Variants in VAV2 observed in about 807,000 individuals in gnomAD.
VAV2 encodes vav guanine nucleotide exchange factor 2, also known as guanine nucleotide exchange factor VAV2.
VAV2 carries 67 observed loss-of-function variants against 132.5 expected under a neutral mutation model. The observed-to-expected ratio is 0.51, with a 90% CI of 0.42 to 0.62. The LOEUF (loss-of-function observed/expected upper bound fraction) is 0.62, where lower values mean the gene tolerates loss of function less well. Ranked by LOEUF, VAV2 falls within the 20% of genes least tolerant of loss-of-function variation. The pLI is 0.00. For missense variants in VAV2, 938 were observed against 1,153.6 expected (o/e 0.81, Z 2.71); for synonymous variants, 492 against 443.5 (o/e 1.11, Z -1.37).
At chr9:133,903,227 G>A (rs767744056) in intron 2 of VAV2, among the ~76,000 whole-genome samples, 2 of 152,074 alleles carry the variant, frequency 1.3e-5, no homozygotes, top group Non-Finnish European at 2.9e-5. Context: ...CACCAGCCCC[G>A]CCGCCACCCT....
rs951338326 is a variant in VAV2, at chr9:133,885,226, G to A, written c.322-23794C>T. 8.5e-5 allele frequency among the ~76,000 whole-genome samples: 13 copies of A among 152,154 alleles called. No homozygotes were observed. The highest frequency in any genetic ancestry group is 7.2e-4 in the Admixed American group (11 of 15,282). The stretch of plus-strand genomic sequence containing the variant: ...CTTCTGAGCCCACTCAACCAAGGGC[G>A]GCCCAGGGAAGGGCATGTATGCAGC... On this transcript the variant is annotated intron_variant, in intron 2 of 29. Coordinates refer to ENST00000371850, the MANE Select transcript of VAV2 (RefSeq NM_001134398.2). This position sits in a 1 kb window ranked among gnomAD's most constrained non-coding sequence, Gnocchi z 5.0.
At chr9:133,966,360 G>A (rs1842139879) in intron 1 of VAV2, among the ~76,000 whole-genome samples, 1 of 152,204 alleles carries the variant, frequency 6.6e-6, no homozygotes, top group South Asian at 2.1e-4. Flanking sequence ...CAGGATAGGG[G>A]AACAAATCTG....
chr9:133,817,951 G>GTGTC (rs1225178987), intron 4 of VAV2, among the ~76,000 whole-genome samples: 1 of 152,186 alleles, frequency 6.6e-6, no homozygotes, highest in Non-Finnish European at 1.5e-5. Flanking sequence ...ATTTCTAGGT[G>GTGTC]TGTCTGTGAG....
intron 2 of VAV2, among the ~76,000 whole-genome samples, chr9:133,870,367 G>T (rs1392004409): frequency 6.6e-6 from 1 of 152,164 alleles, no homozygotes; most frequent in Non-Finnish European, 1.5e-5. Context: ...ACTCTGAAGG[G>T]GAATGCATGA....
Position 133,823,271 on chromosome 9 carries a change from G to A in VAV2, c.449+11001C>T, listed in dbSNP as rs1385489733. Among the ~76,000 whole-genome samples the A allele has an allele frequency of 5.9e-5, 9 of 152,194 alleles. No homozygotes were observed. Among genetic ancestry groups the A allele is most frequent in the Admixed American group, 5.9e-4 (9 of 15,286 alleles). ...AGAAGCAGGAAGACAAGGGAAAGTTGGTGGCAGAGACTGTCCTGCTGTCCT... is the reference window on the plus strand; with the variant it reads ...AGAAGCAGGAAGACAAGGGAAAGTTAGTGGCAGAGACTGTCCTGCTGTCCT... On this transcript the variant is annotated intron_variant, in intron 4 of 29. Transcript: ENST00000371850. The surrounding 1 kb of genome is among the most constrained non-coding windows in gnomAD (Gnocchi z 5.5).
rs558477167 is a variant in VAV2, at chr9:133,768,523, C to T, written c.2508G>A (p.Ser836=). ...TCCTCACCACGTCACCCTCCCGCAG[C>T]GAAAGCTCCCTCATATCTCGGGCGG... ...NFAARDMREL[S]LREGDVVRIY... is the part of the protein sequence containing the mutation. Residue 836 remains serine (S), a synonymous_variant, in exon 29 of 30, where the codon TCG becomes TCA. Transcript: ENST00000371850. This position sits in a 1 kb window ranked among gnomAD's most constrained non-coding sequence, Gnocchi z 5.3. 58 of 1,613,992 alleles carry T rather than the reference C, an allele frequency of 3.6e-5. No homozygotes were observed. In the Admixed American group the frequency reaches 6.5e-4, roughly 18 times the overall value.
At chr9:133,853,648 C>G (rs1282787517) in intron 3 of VAV2, among the ~76,000 whole-genome samples, 2 of 152,154 alleles carry the variant, frequency 1.3e-5, no homozygotes, top group Non-Finnish European at 2.9e-5. Flanking sequence ...AAAGCGCTTC[C>G]CCACCCAGGG....
intron 17 of VAV2, among the ~76,000 whole-genome samples, chr9:133,784,825 G>A (rs1834152423): frequency 2.0e-5 from 3 of 152,150 alleles, no homozygotes; most frequent in Admixed American, 6.5e-5. Context: ...ACTCAGGGGG[G>A]CTGCACTGGT....
chr9:133,923,368 T>G (rs1840363066), intron 2 of VAV2, among the ~76,000 whole-genome samples: 1 of 152,108 alleles, frequency 6.6e-6, no homozygotes, highest in Admixed American at 6.5e-5. Flanking sequence ...TTCAAAGCAA[T>G]GCAGCCAACA....
chr9:133,890,886 G>T (rs1009843122), intron 2 of VAV2, among the ~76,000 whole-genome samples: 3 of 152,072 alleles, frequency 2.0e-5, no homozygotes, highest in African/African-American at 4.8e-5. Flanking sequence ...TGGGCACTAC[G>T]GAGGGGCATC....
intron 2 of VAV2, among the ~76,000 whole-genome samples, chr9:133,914,542 A>G (rs2492054): frequency 0.97 from 130,841 of 135,328 alleles, 63,388 homozygotes; most frequent in Non-Finnish European, 1. Context: ...GACCAAGGGC[A>G]GTGGGGATGG....
chr9:133,917,483 G>A (rs954116098), intron 2 of VAV2, among the ~76,000 whole-genome samples: 6 of 127,066 alleles, frequency 4.7e-5, no homozygotes, highest in Admixed American at 8.2e-5. Flanking sequence ...TTTGTTTATC[G>A]TTTCTAGTAA....
In VAV2 at chr9:133,768,238, T is replaced by C. The variant is rs1564325443; in HGVS notation, c.2589+204A>G. ...TAGCCGATTTCTGGCTGTGTGACCT[T>C]GGGTTCGTGGTAAACATCTGGAGCC... On this transcript the variant is annotated intron_variant, in intron 29 of 29. Coordinates refer to ENST00000371850, the MANE Select transcript of VAV2 (RefSeq NM_001134398.2). This position sits in a 1 kb window ranked among gnomAD's most constrained non-coding sequence, Gnocchi z 5.3. Among the ~76,000 whole-genome samples the C allele has an allele frequency of 6.6e-6, 1 of 152,138 alleles. No individual in the cohort carries two copies. Among genetic ancestry groups the C allele is most frequent in the Admixed American group, 6.5e-5 (1 of 15,270 alleles).
At position 133,883,545 on chromosome 9, in the gene VAV2, G is replaced by A. The variant is rs556517807; in HGVS notation, c.322-22113C>T. Reference sequence around the variant, plus strand: ...AGACTCCCAAGTCATCCCCAGCCACGGCAGGCAGACAGCCCAGCAGAGACT... The same window carrying A: ...AGACTCCCAAGTCATCCCCAGCCACAGCAGGCAGACAGCCCAGCAGAGACT... On this transcript the variant is annotated intron_variant, in intron 2 of 29. Coordinates refer to ENST00000371850, the MANE Select transcript of VAV2 (RefSeq NM_001134398.2). The surrounding 1 kb of genome is among the most constrained non-coding windows in gnomAD (Gnocchi z 4.2). 2.9e-4 allele frequency among the ~76,000 whole-genome samples: 44 copies of A among 152,222 alleles called. No individual in the cohort carries two copies. In the South Asian group the frequency reaches 5.0e-3, roughly 17 times the overall value.
At chr9:133,872,581 G>A (rs1312485133) in intron 2 of VAV2, among the ~76,000 whole-genome samples, 1 of 152,218 alleles carries the variant, frequency 6.6e-6, no homozygotes, top group African/African-American at 2.4e-5. Context: ...AGCAGAGGCA[G>A]GAAGGCTGGC....
intron 1 of VAV2, among the ~76,000 whole-genome samples, chr9:133,985,470 C>T (rs941992796): frequency 1.3e-5 from 2 of 152,058 alleles, no homozygotes; most frequent in South Asian, 2.1e-4. Flanking sequence ...TTAGTAGAGA[C>T]GAGGTTTCGC....
intron 19 of VAV2, among the ~76,000 whole-genome samples, chr9:133,783,254 G>GGGGAGGGGTCCTCAAGTACCCATTAGGA (rs1834073924): frequency 3.9e-5 from 6 of 152,278 alleles, no homozygotes; most frequent in African/African-American, 1.4e-4. Context: ...TGCAGGAGAT[G>GGGGAGGGGTCCTCAAGTACCCATTAGGA]GGGAGGGGTC....
intron 1 of VAV2, among the ~76,000 whole-genome samples, chr9:133,955,947 G>T (rs112134070): frequency 0.017 from 2,528 of 150,252 alleles, 73 homozygotes; most frequent in African/African-American, 0.058. Flanking sequence ...CCTGCTGGAG[G>T]CCCCCGCTCC....
At chr9:133,814,158 G>C (rs1274838632) in intron 4 of VAV2, among the ~76,000 whole-genome samples, 1 of 152,240 alleles carries the variant, frequency 6.6e-6, no homozygotes, top group Non-Finnish European at 1.5e-5. Flanking sequence ...GGCAGGAAGG[G>C]TGTTTGTGAG....
Sources: allele counts gnomAD v4.1 joint callset (sites outside exome capture counted in the v4.1 genomes callset), GRCh38; gene constraint gnomAD v4.1.1; non-coding constraint Gnocchi (gnomAD v3.1); transcripts MANE v1.5; gene names NCBI Gene and HGNC (gene_info 2026-07-23, HGNC 2026-07-21).